The following NR3C2 variants were observed in gnomAD, a reference collection of about 807,000 sequenced individuals.
NR3C2 encodes nuclear receptor subfamily 3 group C member 2.
In NR3C2, 15 loss-of-function variants were observed where a neutral mutation model predicts 86.4. The observed-to-expected ratio is 0.17, with a 90% confidence interval of 0.12 to 0.27. The LOEUF (loss-of-function observed/expected upper bound fraction) is 0.27. Among genes scored for constraint, NR3C2 ranks in the 10% least tolerant of loss-of-function variants. NR3C2 has a pLI of 1.00. For missense variants in NR3C2, 960 were observed against 1,195.6 expected (o/e 0.80, Z 2.91); for synonymous variants, 458 against 450.5 (o/e 1.02, Z -0.21).
chr4:148,231,811 C>T (rs1375747674), intron 3 of NR3C2, among the ~76,000 whole-genome samples: 1 of 152,158 alleles, frequency 6.6e-6, no homozygotes, highest in African/African-American at 2.4e-5. Context: ...ACTAAGTTTA[C>T]GTAATATTCT....
chr4:148,330,107 T>C (rs1463986665), intron 2 of NR3C2, among the ~76,000 whole-genome samples: 1 of 152,196 alleles, frequency 6.6e-6, no homozygotes, highest in Non-Finnish European at 1.5e-5. Flanking sequence ...ATCTCTCATC[T>C]AGAAAATATC....
At chr4:148,212,933 T>A (rs1737351595) in intron 3 of NR3C2, among the ~76,000 whole-genome samples, 1 of 152,196 alleles carries the variant, frequency 6.6e-6, no homozygotes, top group African/African-American at 2.4e-5. Flanking sequence ...TACATACAAT[T>A]ACCTATGATA....
In NR3C2 at chr4:148,419,403, G is replaced by A. The variant is rs144221776; in HGVS notation, c.1757+15701C>T. Among the ~76,000 whole-genome samples the A allele has an allele frequency of 2.6e-3, 401 of 152,256 alleles. 3 individuals carry two copies. The highest frequency in any genetic ancestry group is 9.1e-3 in the African/African-American group (377 of 41,556). On this transcript the variant is annotated intron_variant, in intron 2 of 8. Transcript: ENST00000358102. ...AATTACATGTGCAAGTATGTATAGCGTCCTGGTGAGCAGGTATAAATTTGT... is the reference window on the plus strand; with the variant it reads ...AATTACATGTGCAAGTATGTATAGCATCCTGGTGAGCAGGTATAAATTTGT...
At chr4:148,084,494 G>A (rs1046445120) in intron 8 of NR3C2, among the ~76,000 whole-genome samples, 7 of 152,136 alleles carry the variant, frequency 4.6e-5, no homozygotes, top group Non-Finnish European at 1.0e-4. Context: ...CCAGGCCTGC[G>A]TTACAAGAGC....
intron 3 of NR3C2, among the ~76,000 whole-genome samples, chr4:148,213,865 C>T (rs1037567365): frequency 2.0e-5 from 3 of 152,186 alleles, no homozygotes; most frequent in African/African-American, 7.2e-5. Context: ...ACATAGTCCC[C>T]TTTTTCTTGA....
rs151287047 is a variant in NR3C2, at chr4:148,419,083, C to T, written c.1757+16021G>A. On this transcript the variant is annotated intron_variant, in intron 2 of 8. Coordinates refer to ENST00000358102, the MANE Select transcript of NR3C2 (RefSeq NM_000901.5). ...GGGTCACCCTGCATTCTCTATTTCA[C>T]GGTTGTTTTTCCTTTTTTTTTTTCT... Among the ~76,000 whole-genome samples, 12 of 143,412 alleles carry T rather than the reference C, an allele frequency of 8.4e-5. No individual in the cohort carries two copies. The East Asian group carries it at 8.9e-4, about 11-fold the overall frequency. The allele number at this position is 143,412 out of a possible 152,430, so 94.1% of individuals were successfully genotyped here.
At position 148,086,589 on chromosome 4, in the gene NR3C2, T is replaced by C. The variant is rs141018581; in HGVS notation, c.2800-5090A>G. ...GTCTCCACTTAAAAAAATAAATAAA[T>C]AAATTAGCCAGGCATGGTGGCATAC... is the stretch of plus-strand genomic sequence containing the variant. On this transcript the variant is annotated intron_variant, in intron 8 of 8. Transcript: ENST00000358102. Among the ~76,000 whole-genome samples the C allele has an allele frequency of 3.6e-4, 54 of 151,732 alleles. 1 individual carries two copies. In the East Asian group the frequency reaches 8.4e-3, roughly 23 times the overall value.
intron 2 of NR3C2, among the ~76,000 whole-genome samples, chr4:148,362,426 A>G (rs1443095033): frequency 6.6e-6 from 1 of 152,206 alleles, no homozygotes; most frequent in Non-Finnish European, 1.5e-5. Context: ...TACCTCATGA[A>G]TAAGTACAAT....
intron 3 of NR3C2, among the ~76,000 whole-genome samples, chr4:148,239,125 A>G (rs939644260): frequency 6.6e-6 from 1 of 152,232 alleles, no homozygotes; most frequent in African/African-American, 2.4e-5. Context: ...AAGTTCGTAT[A>G]TGATGCTGAA....
At chr4:148,324,522 G>T (rs1248279551) in intron 2 of NR3C2, among the ~76,000 whole-genome samples, 1 of 152,150 alleles carries the variant, frequency 6.6e-6, no homozygotes, top group Non-Finnish European at 1.5e-5. Flanking sequence ...TGGCAAGACT[G>T]CAGGGAGAGG....
At chr4:148,304,333 T>TG (rs1260716317) in intron 2 of NR3C2, among the ~76,000 whole-genome samples, 2 of 139,266 alleles carry the variant, frequency 1.4e-5, no homozygotes, top group Admixed American at 7.2e-5. Flanking sequence ...TGTTGCTTTT[T>TG]TTTTTTTTTT....
chr4:148,298,989 C>T (rs139580511), intron 2 of NR3C2, among the ~76,000 whole-genome samples: 33 of 152,296 alleles, frequency 2.2e-4, no homozygotes, highest in African/African-American at 7.5e-4. Context: ...ACCAGGAATT[C>T]GCACCTTATG....
At chr4:148,235,870 C>T (rs1738726665) in intron 3 of NR3C2, among the ~76,000 whole-genome samples, 2 of 152,206 alleles carry the variant, frequency 1.3e-5, no homozygotes, top group Admixed American at 6.5e-5. Context: ...AAAAATTTAT[C>T]AGCAACTAGA....
At chr4:148,351,673 C>T (rs1421062610) in intron 2 of NR3C2, among the ~76,000 whole-genome samples, 3 of 152,196 alleles carry the variant, frequency 2.0e-5, no homozygotes. Context: ...GCATCTCCAG[C>T]ATCTTCCCAG....
chr4:148,429,423 G>A (rs1560730705), intron 2 of NR3C2, among the ~76,000 whole-genome samples: 1 of 152,192 alleles, frequency 6.6e-6, no homozygotes, highest in Non-Finnish European at 1.5e-5. Flanking sequence ...AACTTTTTAA[G>A]CATTCAAATT....
chr4:148,124,858 G>A (rs1732673253), intron 6 of NR3C2, among the ~76,000 whole-genome samples: 1 of 152,058 alleles, frequency 6.6e-6, no homozygotes, highest in Non-Finnish European at 1.5e-5. Flanking sequence ...TATCTATAGT[G>A]TTTTAATTTT....
chr4:148,154,814 G>C lies in NR3C2; in HGVS notation c.2102C>G (p.Pro701Arg), dbSNP rs754694314. The part of the protein sequence containing the change: ...QQQPPPPPPP[P>R]QSPEEGTTYI... ...CGTTGTCCCTTCCTCTGGGCTTTGC[G>C]GGGGTGGGGGTGGGGGTGGGGGCTG... Residue 701 changes from proline (P) to arginine (R), a missense_variant, in exon 5 of 9, where the codon CCG (proline) becomes CGG (arginine). By Grantham distance (103) the Pro-to-Arg change is moderately radical. Around this residue, in one of 4 missense-constraint regions of NR3C2, gnomAD observed 82 missense variants for 73.0 expected, o/e 1.12. Transcript: ENST00000358102. 8.2e-6 allele frequency: 13 copies of C among 1,588,126 alleles called. No individual in the cohort carries two copies. Among genetic ancestry groups the C allele is most frequent in the Non-Finnish European group, 1.1e-5 (13 of 1,166,300 alleles).
chr4:148,430,910 GA>G (rs1050398833), intron 2 of NR3C2, among the ~76,000 whole-genome samples: 4 of 151,816 alleles, frequency 2.6e-5, no homozygotes, highest in Non-Finnish European at 4.4e-5. Flanking sequence ...ATTCTATCGT[GA>G]AAAAAAATCA....
intron 2 of NR3C2, among the ~76,000 whole-genome samples, chr4:148,277,628 C>T (rs1027107836): frequency 2.0e-4 from 31 of 152,004 alleles, no homozygotes; most frequent in Non-Finnish European, 5.9e-5. Flanking sequence ...TTAAAATAAA[C>T]AAAAAATAGT....
Sources: gnomAD v4.1 joint callset for allele counts (sites outside exome capture counted in the v4.1 genomes callset) on GRCh38, gnomAD v4.1.1 for gene constraint, gnomAD v4.1.1 regional missense constraint, MANE v1.5 for transcripts, NCBI Gene and HGNC (gene_info 2026-07-23, HGNC 2026-07-21) for gene names.